FBN1: variants seen among roughly 807,000 people sequenced by gnomAD.
FBN1 encodes the protein fibrillin-1.
A neutral mutation model predicts 365.1 loss-of-function variants in FBN1; 29 were observed. That is an observed-to-expected ratio of 0.08 (90% CI 0.06 to 0.11). The LOEUF is 0.11. FBN1 is among the 10% of genes least tolerant of loss of function. The pLI, the probability that FBN1 is intolerant of heterozygous loss-of-function variation, is 1.00. For missense variants in FBN1, 2,476 were observed against 3,703.2 expected, an observed-to-expected ratio of 0.67 and a Z score of 8.60; for synonymous variants, 1,210 against 1,270.5, an observed-to-expected ratio of 0.95 and a Z score of 1.01.
At chr15:48,502,872 G>T (rs571850087) in intron 17 of FBN1, among the ~76,000 whole-genome samples, 1 of 152,256 alleles carries the variant, frequency 6.6e-6, no homozygotes, top group Admixed American at 6.5e-5. Context: ...TAAATCCCCT[G>T]ATTAAGTAAT....
In FBN1 at chr15:48,490,014, G is replaced by A; in HGVS notation, c.2919C>T (p.Gly973=). 1 of 1,614,158 alleles carries A rather than the reference G, an allele frequency of 6.2e-7. No homozygotes were observed. The highest frequency in any genetic ancestry group is 8.5e-7 in the Non-Finnish European group (1 of 1,180,038). ...AGCAGCAGGCGTCCATGCGGTGGCGGCCAGCAATAGGCAGGGTGCACTCCT... is the reference window on the plus strand; with the variant it reads ...AGCAGCAGGCGTCCATGCGGTGGCGACCAGCAATAGGCAGGGTGCACTCCT... ...EDEECTLPIA[G]RHRMDACCCS... is the part of the protein sequence containing the mutation. The change falls in exon 25 of 66, where the codon GGC becomes GGT. Residue 973 remains glycine, a synonymous_variant. Coordinates refer to ENST00000316623, the MANE Select transcript of FBN1 (RefSeq NM_000138.5).
At position 48,448,794 on chromosome 15, in the gene FBN1, G is replaced by A. The variant is rs552719164; in HGVS notation, c.5645C>T (p.Thr1882Ile). The A allele has an allele frequency of 6.2e-7, 1 of 1,612,842 alleles. No individual in the cohort carries two copies. Among genetic ancestry groups the A allele is most frequent in the Non-Finnish European group, 8.5e-7 (1 of 1,179,254 alleles). ...CAAGCACATGGTTTGGTCATCATTT[G>A]TTTTAAAACCAGTGTGGCAAAGGCA... Reference protein sequence around the residue: ...FYCLCHTGFKTNDDQTMCLDI... With the variant: ...FYCLCHTGFKINDDQTMCLDI... Residue 1882 changes from threonine (T) to isoleucine (I), a missense_variant, in exon 46 of 66, where the codon ACA (threonine) becomes ATA (isoleucine). Coordinates refer to ENST00000316623, the MANE Select transcript of FBN1 (RefSeq NM_000138.5).
intron 6 of FBN1, among the ~76,000 whole-genome samples, chr15:48,569,977 CT>C (rs897824581): frequency 6.6e-6 from 1 of 151,496 alleles, no homozygotes; most frequent in African/African-American, 2.4e-5. Context: ...CTCCATGATG[CT>C]TTTTTGAAAA....
intron 2 of FBN1, among the ~76,000 whole-genome samples, chr15:48,628,951 T>C (rs1889936405): frequency 6.6e-6 from 1 of 152,172 alleles, no homozygotes; most frequent in African/African-American, 2.4e-5. Context: ...TAGCTCTAAC[T>C]AGCAATTCAC....
At chr15:48,587,491 G>C (rs544232613) in intron 6 of FBN1, among the ~76,000 whole-genome samples, 1 of 152,170 alleles carries the variant, frequency 6.6e-6, no homozygotes, top group Non-Finnish European at 1.5e-5. Context: ...GTGAGTTGAC[G>C]TTGTGCCTTT....
rs762989672 is a variant in FBN1 at position 48,492,456 on chromosome 15, T to C, written c.2854+5A>G. The stretch of plus-strand genomic sequence containing the variant: ...TATTAGAAAAATAATGAGCTCAGTA[T>C]TTACCAAGACAGATCCTTCCTGTGG... On this transcript the variant is annotated splice_donor_5th_base_variant and intron_variant, in intron 24 of 65. Transcript: ENST00000316623. 2.4e-5 allele frequency: 39 copies of C among 1,612,664 alleles called. No homozygotes were observed. Among genetic ancestry groups the C allele is most frequent in the Non-Finnish European group, 3.3e-5 (39 of 1,178,870 alleles).
At chr15:48,435,462 AG>A (rs2043058205) in intron 53 of FBN1, among the ~76,000 whole-genome samples, 1 of 152,124 alleles carries the variant, frequency 6.6e-6, no homozygotes, top group African/African-American at 2.4e-5. Context: ...ATAAAATAAA[AG>A]ACTAAACTTA....
In FBN1 at chr15:48,615,935, C is replaced by T. The variant is rs1048291785; in HGVS notation, c.165-2843G>A. ...CTAGTTACCTTAAGAGATGAGAACC[C>T]GGGGAAGCAGAGAGAGAGTTCTCTT... On this transcript the variant is annotated intron_variant, in intron 2 of 65. Transcript: ENST00000316623. Among the ~76,000 whole-genome samples, 5 of 152,206 alleles carry T rather than the reference C, an allele frequency of 3.3e-5. No individual in the cohort carries two copies. In the South Asian group the frequency reaches 1.0e-3, roughly 32 times the overall value.
intron 60 of FBN1, among the ~76,000 whole-genome samples, chr15:48,424,253 C>T (rs1816196): frequency 0.025 from 3,750 of 152,274 alleles, 81 homozygotes; most frequent in East Asian, 0.081. Flanking sequence ...ATTATACAGG[C>T]TTTGTGCTGC....
chr15:48,464,150 G>T, intron 40 of FBN1, 129 bp from the exon 41 acceptor site: 1 of 857,360 alleles, frequency 1.2e-6, no homozygotes, highest in Non-Finnish European at 1.9e-6. Context: ...AACGAAAATA[G>T]GTATTTCATT....
chr15:48,639,974 C>G (rs1267955398), intron 2 of FBN1, among the ~76,000 whole-genome samples: 3 of 152,116 alleles, frequency 2.0e-5, no homozygotes, highest in Admixed American at 6.5e-5. Flanking sequence ...TACATGAATA[C>G]TCTAATAATT....
intron 2 of FBN1, among the ~76,000 whole-genome samples, chr15:48,640,186 T>G (rs1380417851): frequency 6.6e-6 from 1 of 152,212 alleles, no homozygotes; most frequent in African/African-American, 2.4e-5. Context: ...TATTACCAAC[T>G]TACACATTTT....
At chr15:48,450,935 C>T (rs1874267469) in intron 45 of FBN1, among the ~76,000 whole-genome samples, 2 of 152,216 alleles carry the variant, frequency 1.3e-5, no homozygotes, top group African/African-American at 4.8e-5. Flanking sequence ...AAAGACATTT[C>T]TAGAATGAGG....
At chr15:48,621,536 A>G (rs1281214049) in intron 2 of FBN1, among the ~76,000 whole-genome samples, 2 of 152,204 alleles carry the variant, frequency 1.3e-5, no homozygotes, top group East Asian at 3.8e-4. Flanking sequence ...TAAAACAAGG[A>G]AAGTCTGAGA....
At chr15:48,434,450 A>G (rs2043048377) in intron 54 of FBN1, 144 bp downstream of exon 54, 7 of 1,005,976 alleles carry the variant, frequency 7.0e-6, no homozygotes, top group Non-Finnish European at 9.3e-6. Context: ...AGGCCACAAA[A>G]GAAGAATGAT....
At chr15:48,456,326 T>C (rs1025091870) in intron 44 of FBN1, among the ~76,000 whole-genome samples, 4 of 152,226 alleles carry the variant, frequency 2.6e-5, no homozygotes, top group African/African-American at 9.6e-5. Flanking sequence ...TTTCCAGCAA[T>C]GTGAAACGAA....
intron 48 of FBN1, 77 bp from the exon 49 acceptor site, chr15:48,444,737 C>T (rs1281996863): frequency 6.7e-7 from 1 of 1,503,078 alleles, no homozygotes; most frequent in East Asian, 2.3e-5. Flanking sequence ...TTCAAAAAAA[C>T]TAGAATGAAT....
chr15:48,582,670 T>A (rs1267671886), intron 6 of FBN1, among the ~76,000 whole-genome samples: 4 of 152,226 alleles, frequency 2.6e-5, no homozygotes, highest in Admixed American at 2.6e-4. Context: ...ACTGCAGGCA[T>A]CCATTCAAAA....
chr15:48,422,801 A>T (rs2042953439), intron 60 of FBN1, among the ~76,000 whole-genome samples: 1 of 152,154 alleles, frequency 6.6e-6, no homozygotes, highest in Non-Finnish European at 1.5e-5. Context: ...TCTAGTGAAT[A>T]TACAAAAATT....
Sources: gnomAD v4.1 joint callset for allele counts (sites outside exome capture counted in the v4.1 genomes callset) on GRCh38, gnomAD v4.1.1 for gene constraint, MANE v1.5 for transcripts, NCBI Gene and HGNC (gene_info 2026-07-23, HGNC 2026-07-21) for gene names.